The following ZNF423 variants were observed in gnomAD, a reference collection of about 807,000 sequenced individuals.
The protein encoded by ZNF423 is Ebf-associated zinc finger protein.
Under a neutral mutation model 95.8 loss-of-function variants are expected in ZNF423, and 12 were observed. That is an observed-to-expected ratio of 0.13 (90% CI 0.08 to 0.20). The LOEUF is 0.20. Among genes scored for constraint, ZNF423 ranks in the 10% least tolerant of loss-of-function variants. The probability of loss-of-function intolerance (pLI) is 1.00; values close to 1 mark genes in which losing one functional copy is unlikely to be tolerated. For synonymous variants in ZNF423, 749 were observed against 711.9 expected, an observed-to-expected ratio of 1.05 and a Z score of -0.83; for missense variants, 1,316 against 1,737.1, an observed-to-expected ratio of 0.76 and a Z score of 4.31.
chr16:49,538,316 C>T (rs191267614), intron 5 of ZNF423, among the ~76,000 whole-genome samples: 19 of 152,352 alleles, frequency 1.2e-4, no homozygotes, highest in African/African-American at 2.4e-4. Context: ...AGCAGGAAAA[C>T]GCCCCACCGT....
intron 3 of ZNF423, among the ~76,000 whole-genome samples, chr16:49,675,775 C>T (rs903345244): frequency 6.6e-6 from 1 of 152,148 alleles, no homozygotes; most frequent in Non-Finnish European, 1.5e-5. Context: ...CGAGACTTTG[C>T]TCATAAGACC....
intron 1 of ZNF423, among the ~76,000 whole-genome samples, chr16:49,810,769 T>C (rs1483214678): frequency 6.6e-6 from 1 of 152,098 alleles, no homozygotes; most frequent in African/African-American, 2.4e-5. Context: ...GGAAATGCCA[T>C]GGGTATTTGA....
At chr16:49,790,635 C>A (rs1451330024) in intron 1 of ZNF423, among the ~76,000 whole-genome samples, 8 of 152,248 alleles carry the variant, frequency 5.3e-5, no homozygotes, top group Admixed American at 5.2e-4. Context: ...ACGCAGGCAG[C>A]CACCTTGCGA....
Position 49,542,586 on chromosome 16 carries a change from G to A in ZNF423, c.3602-17092C>T, listed in dbSNP as rs1969291460. ...GCCAGGAGGTGTGAGGAGCTGGGAG[G>A]CGAGTCAGGGACAGATGCCAGGGAG... On this transcript the variant is annotated intron_variant, in intron 5 of 7. Coordinates refer to ENST00000563137, the MANE Select transcript of ZNF423 (RefSeq NM_001379286.1). Among the ~76,000 whole-genome samples, 3 of 152,242 alleles carry A rather than the reference G, an allele frequency of 2.0e-5. No homozygotes were observed. In the South Asian group the frequency reaches 6.2e-4, roughly 31 times the overall value.
intron 2 of ZNF423, among the ~76,000 whole-genome samples, chr16:49,732,941 A>ATCTC (rs764262630): frequency 1.6e-4 from 24 of 152,132 alleles, no homozygotes; most frequent in Non-Finnish European, 2.8e-4. Context: ...CCATCAAAAC[A>ATCTC]TCTCTCTTCT....
At chr16:49,807,942 G>A (rs750070848) in intron 1 of ZNF423, among the ~76,000 whole-genome samples, 1 of 152,220 alleles carries the variant, frequency 6.6e-6, no homozygotes, top group Non-Finnish European at 1.5e-5. Context: ...AGAGTCACGG[G>A]ATGCTTTTCT....
chr16:49,548,771 C>T (rs1247778416), intron 5 of ZNF423, among the ~76,000 whole-genome samples: 1 of 152,204 alleles, frequency 6.6e-6, no homozygotes, highest in Non-Finnish European at 1.5e-5. Context: ...GGAAAAGTTT[C>T]CCAAGAGCGC....
chr16:49,703,957 G>A (rs370888606), intron 3 of ZNF423, among the ~76,000 whole-genome samples: 28 of 152,292 alleles, frequency 1.8e-4, no homozygotes, highest in African/African-American at 5.8e-4. Context: ...TGAGTGATGC[G>A]CCCAGGCCAT....
At chr16:49,734,696 G>A (rs960387012) in intron 2 of ZNF423, among the ~76,000 whole-genome samples, 39 of 152,184 alleles carry the variant, frequency 2.6e-4, no homozygotes, top group Non-Finnish European at 4.9e-4. Flanking sequence ...GACAGAAACC[G>A]AACCAGTGCT....
intron 2 of ZNF423, among the ~76,000 whole-genome samples, chr16:49,737,322 T>A (rs2033311042): frequency 6.6e-6 from 1 of 151,238 alleles, no homozygotes; most frequent in Non-Finnish European, 1.5e-5. Context: ...CAGGCTGGAG[T>A]GCAATGGTGC....
At chr16:49,724,570 G>A (rs889989614) in intron 3 of ZNF423, among the ~76,000 whole-genome samples, 1 of 152,218 alleles carries the variant, frequency 6.6e-6, no homozygotes. Context: ...TCATGCTTTT[G>A]GAGCAAGAAA....
intron 3 of ZNF423, among the ~76,000 whole-genome samples, chr16:49,654,083 AGGGCGAGGGCCCTGACTT>A (rs1973512671): frequency 1.3e-5 from 2 of 152,204 alleles, no homozygotes; most frequent in African/African-American, 4.8e-5. Flanking sequence ...AGACATAGAG[AGGGCGAGGGCCCTGACTT>A]CCACAGCAAT....
chr16:49,699,318 G>C (rs1364275083), intron 3 of ZNF423, among the ~76,000 whole-genome samples: 1 of 152,226 alleles, frequency 6.6e-6, no homozygotes, highest in Non-Finnish European at 1.5e-5. Flanking sequence ...AGGGGGCTTT[G>C]CTACAAAGGA....
chr16:49,741,676 TG>T (rs1043218978), intron 2 of ZNF423, among the ~76,000 whole-genome samples: 10 of 152,020 alleles, frequency 6.6e-5, no homozygotes, highest in Admixed American at 3.9e-4. Context: ...TGCCATGGAG[TG>T]TGTCCAGCAA....
At chr16:49,564,727 G>A (rs1227350937) in intron 5 of ZNF423, among the ~76,000 whole-genome samples, 1 of 152,222 alleles carries the variant, frequency 6.6e-6, no homozygotes, top group Non-Finnish European at 1.5e-5. Flanking sequence ...ACACCCAGAT[G>A]TCCTTATTCA....
chr16:49,660,047 T>C (rs2030123712), intron 3 of ZNF423, among the ~76,000 whole-genome samples: 1 of 152,214 alleles, frequency 6.6e-6, no homozygotes, highest in Non-Finnish European at 1.5e-5. Flanking sequence ...ACCACTTCCC[T>C]TATGCTTTTT....
chr16:49,721,561 C>A (rs1009196046), intron 3 of ZNF423, among the ~76,000 whole-genome samples: 2 of 152,108 alleles, frequency 1.3e-5, no homozygotes, highest in Non-Finnish European at 1.5e-5. Flanking sequence ...CCGGGGACAG[C>A]CCACCTCGCT....
intron 1 of ZNF423, among the ~76,000 whole-genome samples, chr16:49,815,759 C>T (rs2034826313): frequency 6.6e-6 from 1 of 151,046 alleles, no homozygotes; most frequent in South Asian, 2.1e-4. Flanking sequence ...ACCAGCCCAT[C>T]CTCACTGTAC....
intron 2 of ZNF423, among the ~76,000 whole-genome samples, chr16:49,749,831 G>T (rs969764122): frequency 6.6e-6 from 1 of 152,298 alleles, no homozygotes; most frequent in South Asian, 2.1e-4. Context: ...CTTAGAAAAG[G>T]TTTCCTCGCT....
Sources: allele counts gnomAD v4.1 joint callset (sites outside exome capture counted in the v4.1 genomes callset), GRCh38; gene constraint gnomAD v4.1.1; transcripts MANE v1.5; gene names NCBI Gene and HGNC (gene_info 2026-07-23, HGNC 2026-07-21).